The following PIR variants were observed in gnomAD, a reference collection of about 807,000 sequenced individuals.
PIR encodes pirin.
A neutral mutation model predicts 24.2 loss-of-function variants in PIR; 22 were observed. The observed-to-expected ratio is 0.91, with a 90% CI of 0.65 to 1.30. The LOEUF is 1.30. Ranked by LOEUF, PIR falls within the 50% of genes most tolerant of loss-of-function variation. The pLI, the probability that PIR is intolerant of heterozygous loss-of-function variation, is 0.00. For missense variants in PIR, 220 were observed against 220.3 expected, an observed-to-expected ratio of 1.00 and a Z score of 0.01; for synonymous variants, 80 against 79.6, an observed-to-expected ratio of 1.00 and a Z score of -0.03.
intron 7 of PIR, among the ~76,000 whole-genome samples, chrX:15,398,082 C>A (rs1183811485): frequency 1.1e-5 from 1 of 89,700 alleles, no homozygotes; most frequent in Non-Finnish European, 2.3e-5. Flanking sequence ...AGCTATTGAA[C>A]TCTGAATAAG....
At chrX:15,491,774 T>C (rs1368876468) in intron 1 of PIR, among the ~76,000 whole-genome samples, 1 of 111,506 alleles carries the variant, frequency 9.0e-6, no homozygotes, top group Admixed American at 9.5e-5. Context: ...TACAGGAACA[T>C]GCTGTATGGG....
chrX:15,433,302 G>A (rs750663603), intron 5 of PIR, among the ~76,000 whole-genome samples: 3 of 110,427 alleles, frequency 2.7e-5, no homozygotes, highest in African/African-American at 9.9e-5. Flanking sequence ...GTGTCACCTG[G>A]AGAAAGGAAA....
chrX:15,411,029 A>T (rs1412513679), intron 6 of PIR, among the ~76,000 whole-genome samples: 2 of 110,214 alleles, frequency 1.8e-5, no homozygotes, highest in African/African-American at 6.6e-5. Context: ...TTCTTCCCTC[A>T]CCTCTCCTCC....
chrX:15,406,330 G>C (rs904800063), intron 7 of PIR, among the ~76,000 whole-genome samples: 1 of 112,033 alleles, frequency 8.9e-6, no homozygotes, highest in African/African-American at 3.2e-5. Context: ...ATGATCTCAG[G>C]AAACAACAGT....
At chrX:15,429,082 C>T (rs1925415110) in intron 5 of PIR, among the ~76,000 whole-genome samples, 1 of 111,647 alleles carries the variant, frequency 9.0e-6, no homozygotes, top group African/African-American at 3.3e-5. Flanking sequence ...CTGGTTAACT[C>T]GCTGTATTCT....
At chrX:15,406,501 G>C (rs1382088646) in intron 7 of PIR, among the ~76,000 whole-genome samples, 1 of 111,620 alleles carries the variant, frequency 9.0e-6, no homozygotes, top group Non-Finnish European at 1.9e-5. Context: ...GTAGCTTCTG[G>C]GAATGTTAAT....
At chrX:15,427,650 T>C (rs1233110616) in intron 5 of PIR, among the ~76,000 whole-genome samples, 1 of 109,759 alleles carries the variant, frequency 9.1e-6, no homozygotes, top group Non-Finnish European at 1.9e-5. Flanking sequence ...AGTAGATATA[T>C]GTATATATGA....
chrX:15,397,587 GTTAC>G (rs1924211850), intron 7 of PIR, 56 bp from the exon 8 acceptor site: 1 of 821,222 alleles, frequency 1.2e-6, no homozygotes, highest in Non-Finnish European at 1.8e-6. Context: ...TTGTTATATG[GTTAC>G]TTATTTGGTT....
intron 5 of PIR, among the ~76,000 whole-genome samples, chrX:15,428,549 C>G (rs1233391186): frequency 1.8e-5 from 2 of 112,249 alleles, no homozygotes; most frequent in African/African-American, 3.2e-5. Flanking sequence ...TTTGCTAGCA[C>G]TCTCCCAGAA....
intron 5 of PIR, among the ~76,000 whole-genome samples, chrX:15,439,245 T>C: frequency 8.9e-6 from 1 of 112,472 alleles, no homozygotes; most frequent in Non-Finnish European, 1.9e-5. Flanking sequence ...GTATGTGAAA[T>C]GTGGCCAGTC....
intron 7 of PIR, among the ~76,000 whole-genome samples, chrX:15,404,628 T>C (rs1271095216): frequency 3.6e-5 from 4 of 112,653 alleles, no homozygotes; most frequent in Non-Finnish European, 7.5e-5. Context: ...ATTGAGGCAG[T>C]GAAGTCAGAA....
chrX:15,396,084 A>G (rs1312756831), intron 8 of PIR, among the ~76,000 whole-genome samples: 1 of 112,418 alleles, frequency 8.9e-6, no homozygotes, highest in African/African-American at 3.2e-5. Flanking sequence ...GTTAAACCAG[A>G]TAATGTTACA....
chrX:15,448,542 A>T (rs1926181036), intron 5 of PIR, among the ~76,000 whole-genome samples: 1 of 112,219 alleles, frequency 8.9e-6, no homozygotes, highest in South Asian at 3.7e-4. Context: ...AAACCTTGTG[A>T]GAGAAGGATG....
rs562478231 is a variant in PIR, at chrX:15,425,390, C to A, written c.565+516G>T. Among the ~76,000 whole-genome samples the A allele has an allele frequency of 1.1e-4, 12 of 106,811 alleles. No individual in the cohort carries two copies. In the South Asian group the frequency reaches 1.7e-3, roughly 15 times the overall value. 92.8% of individuals were successfully genotyped at this position (106,811 alleles called of 115,157 possible). On this transcript the variant is annotated intron_variant, in intron 6 of 9. Coordinates refer to ENST00000380420, the MANE Select transcript of PIR (RefSeq NM_001018109.3). The stretch of plus-strand genomic sequence containing the variant: ...GGCCCTAACATTCTGTGAGTTCTTT[C>A]TGATTTTCTTTTCTTTCTTTCTTTT...
At chrX:15,417,977 AAACTGGG>A (rs1325405780) in intron 6 of PIR, among the ~76,000 whole-genome samples, 1 of 112,015 alleles carries the variant, frequency 8.9e-6, no homozygotes, top group Non-Finnish European at 1.9e-5. Context: ...CAGATTCTGG[AAACTGGG>A]ACGTGGACAT....
intron 6 of PIR, among the ~76,000 whole-genome samples, chrX:15,413,602 A>T (rs996222338): frequency 9.8e-5 from 11 of 112,096 alleles, no homozygotes; most frequent in Non-Finnish European, 1.9e-4. Flanking sequence ...AGATAAAGAA[A>T]TGTCAACTTT....
At chrX:15,404,244 G>A (rs1333413029) in intron 7 of PIR, among the ~76,000 whole-genome samples, 2 of 111,260 alleles carry the variant, frequency 1.8e-5, no homozygotes, top group Admixed American at 9.5e-5. Flanking sequence ...CAAGTGATCT[G>A]CCTGCCTCAG....
At chrX:15,476,052 G>C (rs1417506340) in intron 3 of PIR, among the ~76,000 whole-genome samples, 1 of 112,040 alleles carries the variant, frequency 8.9e-6, no homozygotes, top group Non-Finnish European at 1.9e-5. Flanking sequence ...GGAAGATCTA[G>C]ACCAGCATTT....
At chrX:15,492,502 C>A (rs1602312012) in intron 1 of PIR, among the ~76,000 whole-genome samples, 1 of 112,007 alleles carries the variant, frequency 8.9e-6, no homozygotes, top group Non-Finnish European at 1.9e-5. Context: ...TCCCTTAAAT[C>A]TTTTCTTCAA....
Sources: gnomAD v4.1 joint callset for allele counts (sites outside exome capture counted in the v4.1 genomes callset) on GRCh38, gnomAD v4.1.1 for gene constraint, MANE v1.5 for transcripts, NCBI Gene and HGNC (gene_info 2026-07-23, HGNC 2026-07-21) for gene names.